Variants in CEP83 observed in about 807,000 individuals in gnomAD.
CEP83 encodes the protein centrosomal protein 83, also known as centrosomal protein of 83 kDa.
Under a neutral mutation model 101.9 loss-of-function variants are expected in CEP83, and 70 were observed. The observed-to-expected ratio is 0.69, with a 90% CI of 0.57 to 0.84. The LOEUF (loss-of-function observed/expected upper bound fraction) is 0.84. CEP83 is among the 40% of genes least tolerant of loss of function. The probability of loss-of-function intolerance (pLI) is 0.00; values close to 1 mark genes in which losing one functional copy is unlikely to be tolerated. For missense variants in CEP83, 715 were observed against 787.2 expected (o/e 0.91, Z 1.10); for synonymous variants, 264 against 267.9 (o/e 0.99, Z 0.14).
At chr12:94,351,869 C>A (rs1053795090) in intron 11 of CEP83, among the ~76,000 whole-genome samples, 1 of 152,166 alleles carries the variant, frequency 6.6e-6, no homozygotes, top group African/African-American at 2.4e-5. Context: ...CTATCAACAC[C>A]AAAGACATGA....
the CEP83 span, chr12:94,282,163 GTC>G: frequency 1.6e-6 from 1 of 632,752 alleles, no homozygotes; most frequent in Non-Finnish European, 2.8e-6. Context: ...CAGGCTACCA[GTC>G]TGGCTGATGC....
Position 94,412,427 on chromosome 12 carries a change from T to C in CEP83, c.64A>G (p.Ser22Gly). ...TCCGACTGAGAACCTGTCAATCCAC[T>C]GTCTCCACCAGGAGGAAAATTATTG... ...FPNNFPPGGD[S>G]GLTGSQSEFQ... is the part of the protein sequence containing the mutation. The change falls in exon 3 of 17, where the codon AGT becomes GGT. Residue 22 changes from serine (S) to glycine (G), a missense_variant. Coordinates refer to ENST00000397809, the MANE Select transcript of CEP83 (RefSeq NM_016122.3). 1.2e-6 allele frequency: 2 copies of C among 1,612,780 alleles called. No homozygotes were observed. Among genetic ancestry groups the C allele is most frequent in the African/African-American group, 1.3e-5 (1 of 74,978 alleles).
chr12:94,373,198 C>T (rs1182710989), intron 8 of CEP83, among the ~76,000 whole-genome samples: 1 of 152,096 alleles, frequency 6.6e-6, no homozygotes, highest in Non-Finnish European at 1.5e-5. Flanking sequence ...TCCTAAAGCT[C>T]CACTGGACCA....
chr12:94,389,991 C>A (rs1354610982), intron 6 of CEP83, among the ~76,000 whole-genome samples: 1 of 152,254 alleles, frequency 6.6e-6, no homozygotes, highest in Non-Finnish European at 1.5e-5. Flanking sequence ...GAGCCCACTG[C>A]AGCTCAACAG....
chr12:94,387,173 T>C (rs1039350132), intron 6 of CEP83, among the ~76,000 whole-genome samples: 2 of 152,184 alleles, frequency 1.3e-5, no homozygotes, highest in Non-Finnish European at 2.9e-5. Context: ...ACTAAATTTA[T>C]GACCCTCTAA....
At chr12:94,421,126 A>C (rs1309063945) in intron 2 of CEP83, among the ~76,000 whole-genome samples, 5 of 152,076 alleles carry the variant, frequency 3.3e-5, no homozygotes, top group African/African-American at 1.2e-4. Flanking sequence ...CTGCACCATC[A>C]ATCTCCCAAG....
intron 14 of CEP83, among the ~76,000 whole-genome samples, chr12:94,329,028 A>C (rs1308626484): frequency 6.6e-6 from 1 of 152,204 alleles, no homozygotes; most frequent in Non-Finnish European, 1.5e-5. Flanking sequence ...TAAACTTGTA[A>C]GCTCCTAGGG....
At chr12:94,300,863 T>C in the CEP83 span, 1 of 1,571,320 alleles carries the variant, frequency 6.4e-7, no homozygotes, top group East Asian at 2.3e-5. Flanking sequence ...GACCATTGGC[T>C]TCATGAATGG....
intron 8 of CEP83, among the ~76,000 whole-genome samples, chr12:94,373,841 C>T (rs2061408420): frequency 6.6e-6 from 1 of 152,170 alleles, no homozygotes; most frequent in South Asian, 2.1e-4. Context: ...GCTAGAATTG[C>T]AAAATGTTGA....
At chr12:94,342,201 C>A (rs796625769) in intron 11 of CEP83, among the ~76,000 whole-genome samples, 2 of 152,220 alleles carry the variant, frequency 1.3e-5, no homozygotes, top group African/African-American at 4.8e-5. Context: ...CTAAGTAATG[C>A]AGATCAAGAA....
chr12:94,386,606 C>T (rs2062162671), intron 6 of CEP83, among the ~76,000 whole-genome samples: 2 of 152,266 alleles, frequency 1.3e-5, no homozygotes, highest in Admixed American at 6.5e-5. Flanking sequence ...CATTTGTTTT[C>T]CTTCCCTCAG....
At position 94,343,470 on chromosome 12, in the gene CEP83, C is replaced by CTTTTTTTTTTTTTTTT. The variant is rs1161481202; in HGVS notation, c.1344-7822_1344-7807dup. ...ACAATGCAATAAAGCTAGAAATTAA[C>CTTTTTTTTTTTTTTTT]TTTTTTTTTTTTTTTTTTTTTTTTT... On this transcript the variant is annotated intron_variant, in intron 11 of 16. Transcript: ENST00000397809. Among the ~76,000 whole-genome samples, 15 of 84,176 alleles carry CTTTTTTTTTTTTTTTT rather than the reference C, an allele frequency of 1.8e-4. 1 individual carries two copies. The highest frequency in any genetic ancestry group is 2.6e-4 in the African/African-American group (5 of 19,070). 55.2% of individuals were successfully genotyped at this position (84,176 alleles called of 152,430 possible).
At chr12:94,451,941 C>T (rs2067283260) in intron 1 of CEP83, among the ~76,000 whole-genome samples, 1 of 152,052 alleles carries the variant, frequency 6.6e-6, no homozygotes. Context: ...TCACTGGTTA[C>T]CAGTAAATGG....
At position 94,309,558 on chromosome 12, in the gene CEP83, G is replaced by A. The variant is rs77595758; in HGVS notation, c.2001+360C>T. On this transcript the variant is annotated intron_variant, in intron 16 of 16. Coordinates refer to ENST00000397809, the MANE Select transcript of CEP83 (RefSeq NM_016122.3). ...TTTTCGTTAGTATTAGACATTGCACGGAACATGCACAGTTCACTGCGTTAG... is the reference window on the plus strand; with the variant it reads ...TTTTCGTTAGTATTAGACATTGCACAGAACATGCACAGTTCACTGCGTTAG... 1.2e-3 allele frequency among the ~76,000 whole-genome samples: 181 copies of A among 152,190 alleles called. 4 individuals carry two copies. In the East Asian group the frequency reaches 0.028, roughly 24 times the overall value.
chr12:94,297,200 T>G, the CEP83 span: 5 of 1,614,130 alleles, frequency 3.1e-6, no homozygotes, highest in Non-Finnish European at 3.4e-6. Flanking sequence ...TGTGGAGTAC[T>G]CGGATGACCA....
intron 6 of CEP83, among the ~76,000 whole-genome samples, chr12:94,389,574 T>A (rs1220375229): frequency 6.6e-6 from 1 of 152,188 alleles, no homozygotes; most frequent in Non-Finnish European, 1.5e-5. Context: ...ATGGGTGATT[T>A]CTGCATTTCC....
chr12:94,322,013 T>C (rs114710618), intron 14 of CEP83, among the ~76,000 whole-genome samples: 61 of 152,264 alleles, frequency 4.0e-4, no homozygotes, highest in African/African-American at 1.3e-3. Context: ...ACAGCAAAGA[T>C]GGAGGACTGC....
chr12:94,279,898 G>T, the CEP83 span: 3 of 641,348 alleles, frequency 4.7e-6, no homozygotes, highest in African/African-American at 5.4e-5. Context: ...TAAATATTAC[G>T]TCTGTAAATC....
chr12:94,449,222 GAAGA>G (rs992078038), intron 1 of CEP83, among the ~76,000 whole-genome samples: 9 of 152,176 alleles, frequency 5.9e-5, no homozygotes, highest in African/African-American at 1.7e-4. Flanking sequence ...CAAAACTCTA[GAAGA>G]AAGAGAAAAT....
Sources: allele counts gnomAD v4.1 joint callset (sites outside exome capture counted in the v4.1 genomes callset), GRCh38; gene constraint gnomAD v4.1.1; transcripts MANE v1.5; gene names NCBI Gene and HGNC (gene_info 2026-07-23, HGNC 2026-07-21).